TNRC18: variants seen among roughly 807,000 people sequenced by gnomAD.
TNRC18 encodes trinucleotide repeat containing 18.
A neutral mutation model predicts 226.7 loss-of-function variants in TNRC18; 69 were observed. That is an observed-to-expected ratio of 0.30 (90% CI 0.25 to 0.37). The LOEUF (loss-of-function observed/expected upper bound fraction) is 0.37. Ranked by LOEUF, TNRC18 falls within the 10% of genes least tolerant of loss-of-function variation. The pLI, the probability that TNRC18 is intolerant of heterozygous loss-of-function variation, is 1.00. For synonymous variants in TNRC18, 2,449 were observed against 1,927.6 expected, an observed-to-expected ratio of 1.27 and a Z score of -7.09; for missense variants, 4,754 against 4,256.6, an observed-to-expected ratio of 1.12 and a Z score of -3.25.
At chr7:5,411,142 G>A (rs944394530) in intron 2 of TNRC18, among the ~76,000 whole-genome samples, 1 of 150,298 alleles carries the variant, frequency 6.7e-6, no homozygotes, top group Non-Finnish European at 1.5e-5. Flanking sequence ...CTTGAACCCA[G>A]GAGGTGGAGG....
chr7:5,347,187 AAATT>A (rs1356473207), intron 17 of TNRC18, among the ~76,000 whole-genome samples: 1 of 143,496 alleles, frequency 7.0e-6, no homozygotes, highest in Non-Finnish European at 1.5e-5. Flanking sequence ...ACAAAAAAAA[AAATT>A]TTTTTTTTTT....
chr7:5,408,048 G>A (rs1781592212), intron 2 of TNRC18, among the ~76,000 whole-genome samples: 1 of 152,104 alleles, frequency 6.6e-6, no homozygotes. Flanking sequence ...ATACAAAAAG[G>A]AACAAAAGTG....
intron 28 of TNRC18, 22 bp from the exon 29 acceptor site, chr7:5,308,971 G>A (rs756483308): frequency 2.5e-6 from 4 of 1,592,194 alleles, no homozygotes; most frequent in Non-Finnish European, 3.4e-6. Flanking sequence ...AGAGAGGAGG[G>A]GCTTGGGTGA....
intron 1 of TNRC18, among the ~76,000 whole-genome samples, chr7:5,422,511 C>T (rs1354176194): frequency 6.6e-6 from 1 of 152,130 alleles, no homozygotes; most frequent in African/African-American, 2.4e-5. Flanking sequence ...TGGAGCCCAC[C>T]CTTCCCTCGA....
intron 2 of TNRC18, chr7:5,407,408 C>A (rs1781547222): frequency 6.6e-6 from 1 of 152,210 alleles, no homozygotes; most frequent in Admixed American, 6.5e-5. Context: ...AACCTCTTCA[C>A]CCCATCCTGC....
At chr7:5,365,415 CTA>C (rs1338090383) in intron 11 of TNRC18, among the ~76,000 whole-genome samples, 1 of 151,888 alleles carries the variant, frequency 6.6e-6, no homozygotes, top group Non-Finnish European at 1.5e-5. Context: ...GTCCGGCCTC[CTA>C]TCTTTTTGTA....
intron 16 of TNRC18, among the ~76,000 whole-genome samples, chr7:5,355,190 T>C (rs769187198): frequency 4.6e-5 from 7 of 152,214 alleles, no homozygotes; most frequent in Admixed American, 2.0e-4. Flanking sequence ...TGTCCACAGA[T>C]ACTGAGCAAG....
Position 5,388,413 on chromosome 7 carries a change from C to A in TNRC18, c.1411G>T (p.Asp471Tyr). The A allele has an allele frequency of 6.7e-7, 1 of 1,491,224 alleles. No homozygotes were observed. Among genetic ancestry groups the A allele is most frequent in the Non-Finnish European group, 8.8e-7 (1 of 1,130,532 alleles). 92.4% of individuals were successfully genotyped at this position (1,491,224 alleles called of 1,614,324 possible). Residue 471 changes from aspartate to tyrosine, a missense_variant, in exon 5 of 30, where the codon GAC becomes TAC. By Grantham distance (160) the Asp-to-Tyr change is radical. Coordinates refer to ENST00000430969, the MANE Select transcript of TNRC18 (RefSeq NM_001080495.3). ...PAKELLKPEA[D>Y]PRPCERAPRG... The stretch of plus-strand genomic sequence containing the variant: ...GGCGCACGCTCGCAGGGCCTCGGGT[C>A]CGCCTCGGGCTTGAGCAGCTCCTTG...
rs1375488872 is a variant in TNRC18 at position 5,337,477 on chromosome 7, G to A, written c.5720-4428C>T. ...CCAGCCTGGGTGACAGAGTGAGACT[G>A]TTTCAAAAAAAAAAAAGGAACACCA... On this transcript the variant is annotated intron_variant, in intron 18 of 29. Transcript: ENST00000430969. 1.1e-4 allele frequency among the ~76,000 whole-genome samples: 13 copies of A among 120,476 alleles called. No homozygotes were observed. The Admixed American group carries it at 1.1e-3, about 10-fold the overall frequency. 79.0% of individuals were successfully genotyped at this position (120,476 alleles called of 152,430 possible).
intron 11 of TNRC18, among the ~76,000 whole-genome samples, chr7:5,365,797 T>C (rs1399768193): frequency 1.3e-5 from 2 of 151,666 alleles, no homozygotes; most frequent in Non-Finnish European, 2.9e-5. Flanking sequence ...TGGCTGGGTG[T>C]GGTGGCTCAC....
Position 5,377,246 on chromosome 7 carries a change from G to T in TNRC18, c.2461+125C>A. ...ATTATCATTCCTTCTTCCGACGAATGCGGGAGGCAGGCCCAGGCCCCCCAG... is the reference window on the plus strand; with the variant it reads ...ATTATCATTCCTTCTTCCGACGAATTCGGGAGGCAGGCCCAGGCCCCCCAG... On this transcript the variant is annotated intron_variant, in intron 7 of 29. Coordinates refer to ENST00000430969, the MANE Select transcript of TNRC18 (RefSeq NM_001080495.3). This position sits in a 1 kb window ranked among gnomAD's most constrained non-coding sequence, Gnocchi z 5.8. 1 of 1,158,948 alleles carries T rather than the reference G, an allele frequency of 8.6e-7. No homozygotes were observed. The highest frequency in any genetic ancestry group is 1.6e-5 in the South Asian group (1 of 61,434). The allele number at this position is 1,158,948 out of a possible 1,614,324, so 71.8% of individuals were successfully genotyped here.
intron 18 of TNRC18, among the ~76,000 whole-genome samples, chr7:5,341,149 C>T (rs569255450): frequency 6.6e-6 from 1 of 151,818 alleles, no homozygotes; most frequent in East Asian, 2.0e-4. Flanking sequence ...CAGTGGCTCA[C>T]ACCTGTAATC....
intron 2 of TNRC18, among the ~76,000 whole-genome samples, chr7:5,415,768 G>A (rs554956702): frequency 1.3e-5 from 2 of 151,970 alleles, no homozygotes; most frequent in Admixed American, 6.6e-5. Context: ...GGTTGTCCAG[G>A]GAAAGTTGGC....
intron 18 of TNRC18, among the ~76,000 whole-genome samples, chr7:5,338,051 A>G (rs1247308055): frequency 6.6e-6 from 1 of 152,218 alleles, no homozygotes; most frequent in East Asian, 1.9e-4. Context: ...GTGAAAAAGT[A>G]TTACATATAA....
intron 18 of TNRC18, among the ~76,000 whole-genome samples, chr7:5,333,799 A>T (rs1162918291): frequency 6.6e-6 from 1 of 152,166 alleles, no homozygotes; most frequent in Non-Finnish European, 1.5e-5. Context: ...CTTCAGAAGG[A>T]GACCCACCCC....
At chr7:5,360,998 G>A (rs780088936) in intron 14 of TNRC18, among the ~76,000 whole-genome samples, 36 of 152,194 alleles carry the variant, frequency 2.4e-4, no homozygotes, top group Admixed American at 7.9e-4. Context: ...CTTTCCGATC[G>A]TGCTACAGAC....
At chr7:5,374,588 C>A (rs150023028) in intron 9 of TNRC18, 104 bp from the exon 10 acceptor site, 35 of 1,222,650 alleles carry the variant, frequency 2.9e-5, no homozygotes, top group Non-Finnish European at 3.4e-5. Flanking sequence ...CGAGGAGAAC[C>A]TCATGCAGGG....
At chr7:5,362,285 C>T (rs543613740) in intron 12 of TNRC18, among the ~76,000 whole-genome samples, 23 of 152,304 alleles carry the variant, frequency 1.5e-4, no homozygotes, top group African/African-American at 4.8e-4. Flanking sequence ...GTGACACCTG[C>T]TCCATCAGTG....
At chr7:5,359,989 GAAA>G (rs1193612075) in intron 14 of TNRC18, among the ~76,000 whole-genome samples, 1 of 146,420 alleles carries the variant, frequency 6.8e-6, no homozygotes, top group Admixed American at 6.8e-5. Flanking sequence ...TCCAGTAAGG[GAAA>G]AAAAAAACGA....
Sources: allele counts gnomAD v4.1 joint callset (sites outside exome capture counted in the v4.1 genomes callset), GRCh38; gene constraint gnomAD v4.1.1; non-coding constraint Gnocchi (gnomAD v3.1); transcripts MANE v1.5; gene names NCBI Gene and HGNC (gene_info 2026-07-23, HGNC 2026-07-21).